Variants in ADGRG7 observed in about 807,000 individuals in gnomAD.
ADGRG7 encodes G-protein coupled receptor 128.
A neutral mutation model predicts 88.6 loss-of-function variants in ADGRG7; 82 were observed. The observed-to-expected ratio is 0.93, with a 90% CI of 0.77 to 1.11. ADGRG7 has a LOEUF of 1.11. ADGRG7 is among the 50% of genes most tolerant of loss of function. The pLI, the probability that ADGRG7 is intolerant of heterozygous loss-of-function variation, is 0.00. For synonymous variants in ADGRG7, 381 were observed against 345.2 expected, an observed-to-expected ratio of 1.10 and a Z score of -1.15; for missense variants, 945 against 953.4, an observed-to-expected ratio of 0.99 and a Z score of 0.12.
chr3:100,634,305 G>T (rs1456239365), intron 4 of ADGRG7, among the ~76,000 whole-genome samples: 1 of 152,176 alleles, frequency 6.6e-6, no homozygotes, highest in Non-Finnish European at 1.5e-5. Flanking sequence ...TAAAACTTCT[G>T]TGAGTTGAAT....
intron 14 of ADGRG7, among the ~76,000 whole-genome samples, chr3:100,664,040 A>G (rs2094948796): frequency 6.6e-6 from 1 of 152,114 alleles, no homozygotes; most frequent in Non-Finnish European, 1.5e-5. Flanking sequence ...ACCCAAAATT[A>G]TAACTCTCGA....
chr3:100,614,357 G>A (rs1463659011), intron 1 of ADGRG7, among the ~76,000 whole-genome samples: 1 of 152,102 alleles, frequency 6.6e-6, no homozygotes, highest in Non-Finnish European at 1.5e-5. Flanking sequence ...CAAGAAAAAT[G>A]TTTATTAAAA....
intron 1 of ADGRG7, among the ~76,000 whole-genome samples, chr3:100,621,984 G>A (rs532460652): frequency 2.1e-4 from 32 of 152,264 alleles, no homozygotes; most frequent in African/African-American, 7.7e-4. Flanking sequence ...CTCTCATAAC[G>A]AGCGTGCAAC....
Position 100,630,732 on chromosome 3 carries a change from T to A in ADGRG7, c.257T>A (p.Met86Lys). 6.9e-7 allele frequency: 1 copy of A among 1,459,328 alleles called. No individual in the cohort carries two copies. The highest frequency in any genetic ancestry group is 9.1e-7 in the Non-Finnish European group (1 of 1,102,562). The allele number at this position is 1,459,328 out of a possible 1,614,324, so 90.4% of individuals were successfully genotyped here. Residue 86 changes from methionine (M) to lysine (K), a missense_variant, in exon 3 of 16, where the codon ATG becomes AAG. Met to Lys is a moderately conservative substitution (Grantham distance 95, BLOSUM62 -1). Coordinates refer to ENST00000273352, the MANE Select transcript of ADGRG7 (RefSeq NM_032787.3). ...IANFCENSTY[M>K]GFTFARIPVG... The stretch of plus-strand genomic sequence containing the variant: ...AATTTTTGTGAAAATAGTACCTATA[T>A]GGGTTTTACTTTTGCCAGAATCCCA...
intron 1 of ADGRG7, among the ~76,000 whole-genome samples, chr3:100,613,839 A>G (rs1465765050): frequency 1.3e-5 from 2 of 152,148 alleles, no homozygotes; most frequent in African/African-American, 4.8e-5. Flanking sequence ...TGGACACTTG[A>G]GAGTATAGGG....
chr3:100,674,113 T>C (rs541115081), intron 15 of ADGRG7, among the ~76,000 whole-genome samples: 4 of 152,278 alleles, frequency 2.6e-5, no homozygotes, highest in African/African-American at 7.2e-5. Context: ...TCAAAGGACA[T>C]CTTTATTTCT....
At chr3:100,642,964 T>C (rs1379647793) in intron 6 of ADGRG7, among the ~76,000 whole-genome samples, 2 of 152,238 alleles carry the variant, frequency 1.3e-5, no homozygotes, top group Non-Finnish European at 2.9e-5. Flanking sequence ...TCCTTCTATG[T>C]GAAGAGCATC....
chr3:100,665,463 A>G, intron 14 of ADGRG7: 2 of 533,658 alleles, frequency 3.7e-6, no homozygotes, highest in South Asian at 2.8e-5. Context: ...CAAAACCACC[A>G]AAGACTCACT....
intron 1 of ADGRG7, among the ~76,000 whole-genome samples, chr3:100,628,159 C>T (rs75406692): frequency 0.016 from 2,490 of 152,158 alleles, 71 homozygotes; most frequent in African/African-American, 0.056. Flanking sequence ...GCCACTTCTG[C>T]CATAGAGACT....
intron 4 of ADGRG7, among the ~76,000 whole-genome samples, chr3:100,633,831 C>T (rs1175396558): frequency 6.6e-6 from 1 of 152,138 alleles, no homozygotes; most frequent in Non-Finnish European, 1.5e-5. Flanking sequence ...ACCTGGCCGC[C>T]ACTCTTATTT....
At chr3:100,655,824 A>T (rs1301702023) in intron 12 of ADGRG7, 75 bp from the exon 13 acceptor site, 1 of 879,318 alleles carries the variant, frequency 1.1e-6, no homozygotes, top group Non-Finnish European at 1.9e-6. Context: ...TCAGATGTAT[A>T]ATTCATGTAT....
intron 14 of ADGRG7, among the ~76,000 whole-genome samples, chr3:100,668,231 C>T (rs1389353511): frequency 1.3e-5 from 2 of 152,170 alleles, no homozygotes; most frequent in Admixed American, 6.5e-5. Flanking sequence ...TCCTATTTGG[C>T]CATCTTGAAT....
At chr3:100,622,761 C>CT (rs879700554) in intron 1 of ADGRG7, among the ~76,000 whole-genome samples, 4 of 151,450 alleles carry the variant, frequency 2.6e-5, no homozygotes. Flanking sequence ...TTTTTATCTT[C>CT]TTTTTTTTCC....
intron 3 of ADGRG7, 54 bp downstream of exon 3, chr3:100,630,863 A>G: frequency 1.1e-6 from 1 of 876,636 alleles, no homozygotes; most frequent in South Asian, 2.4e-5. Flanking sequence ...ATGCTGAGTC[A>G]TACCTCTCAT....
chr3:100,689,278 C>G (rs1325094982), intron 15 of ADGRG7, among the ~76,000 whole-genome samples: 4 of 151,510 alleles, frequency 2.6e-5, no homozygotes, highest in South Asian at 2.1e-4. Context: ...TGTCTCTGCA[C>G]GTGAGATGTG....
At chr3:100,672,907 C>T (rs2094960473) in intron 15 of ADGRG7, among the ~76,000 whole-genome samples, 1 of 152,196 alleles carries the variant, frequency 6.6e-6, no homozygotes, top group Non-Finnish European at 1.5e-5. Flanking sequence ...GGGATGAAGC[C>T]AAGTTGATCA....
chr3:100,620,692 A>G (rs1438438877), intron 1 of ADGRG7, among the ~76,000 whole-genome samples: 2 of 152,234 alleles, frequency 1.3e-5, no homozygotes, highest in Non-Finnish European at 2.9e-5. Context: ...ATTTTCAGCT[A>G]AACACTGGAG....
At chr3:100,656,023 A>G (rs746993240) in intron 13 of ADGRG7, 28 bp downstream of exon 13, 85 of 1,391,248 alleles carry the variant, frequency 6.1e-5, no homozygotes, top group Non-Finnish European at 8.5e-5. Context: ...TAAATGTCCA[A>G]TTGTTTGACC....
At chr3:100,633,817 C>T (rs1430218237) in intron 4 of ADGRG7, among the ~76,000 whole-genome samples, 1 of 152,202 alleles carries the variant, frequency 6.6e-6, no homozygotes, top group Non-Finnish European at 1.5e-5. Context: ...AAGTAAGCCA[C>T]CACACCTGGC....
Sources: allele counts gnomAD v4.1 joint callset (sites outside exome capture counted in the v4.1 genomes callset), GRCh38; gene constraint gnomAD v4.1.1; transcripts MANE v1.5; gene names NCBI Gene and HGNC (gene_info 2026-07-23, HGNC 2026-07-21).